The following VWA8 variants were observed in gnomAD, a reference collection of about 807,000 sequenced individuals.
VWA8 encodes the protein von Willebrand factor A domain-containing protein 8.
VWA8 carries 221 observed loss-of-function variants against 241.5 expected under a neutral mutation model. The ratio of observed to expected loss-of-function variants is 0.91; its 90% confidence interval spans 0.82 to 1.02. The LOEUF (loss-of-function observed/expected upper bound fraction) is 1.02, where lower values mean the gene tolerates loss of function less well. Ranked by LOEUF, VWA8 falls within the 50% of genes least tolerant of loss-of-function variation. The pLI is 0.00. For synonymous variants in VWA8, 852 were observed against 827.1 expected (o/e 1.03, Z -0.52); for missense variants, 2,322 against 2,328.7 (o/e 1.00, Z 0.06).
chr13:41,699,273 GA>G lies in VWA8; in HGVS notation c.3365-4del, dbSNP rs746766400. ...ATAGAGAGTATTTTGCTCATTTTCT[GA>G]AATGACAAAAAGGTGTTAATTTTGT... is the stretch of plus-strand genomic sequence containing the variant. On this transcript the variant is annotated splice_polypyrimidine_tract_variant and splice_region_variant and intron_variant, in intron 28 of 44. Coordinates refer to ENST00000379310, the MANE Select transcript of VWA8 (RefSeq NM_015058.2). 4.3e-6 allele frequency: 7 copies of G among 1,613,474 alleles called. No homozygotes were observed. In the Admixed American group the frequency reaches 1.2e-4, roughly 27 times the overall value.
intron 2 of VWA8, chr13:41,926,043 G>C (rs754558361): frequency 1.3e-5 from 6 of 446,098 alleles, no homozygotes; most frequent in Non-Finnish European, 1.7e-5. Context: ...CCTTCAAGGA[G>C]AGGGGGTCAA....
intron 17 of VWA8, among the ~76,000 whole-genome samples, chr13:41,789,984 A>C (rs1213797250): frequency 6.6e-6 from 1 of 152,200 alleles, no homozygotes; most frequent in African/African-American, 2.4e-5. Flanking sequence ...AAAAGGAAAC[A>C]ATATATAAAA....
At chr13:41,677,116 G>A (rs1446687977) in intron 35 of VWA8, among the ~76,000 whole-genome samples, 1 of 152,060 alleles carries the variant, frequency 6.6e-6, no homozygotes, top group Non-Finnish European at 1.5e-5. Context: ...TCAACATTTG[G>A]GGTTATGGCA....
chr13:41,745,881 T>C (rs1038911811), intron 21 of VWA8, among the ~76,000 whole-genome samples: 7 of 152,126 alleles, frequency 4.6e-5, no homozygotes, highest in African/African-American at 1.7e-4. Context: ...GACTAAATTT[T>C]TAAAAAATCC....
chr13:41,944,013 G>C (rs1877722808), intron 2 of VWA8, among the ~76,000 whole-genome samples: 1 of 151,964 alleles, frequency 6.6e-6, no homozygotes, highest in South Asian at 2.1e-4. Flanking sequence ...GCTGAGGTAG[G>C]AGAATCGCTT....
intron 9 of VWA8, among the ~76,000 whole-genome samples, chr13:41,871,826 T>C (rs1223225836): frequency 6.6e-6 from 1 of 152,222 alleles, no homozygotes; most frequent in Non-Finnish European, 1.5e-5. Flanking sequence ...TACCCAGTAA[T>C]GGGATGGCTG....
In VWA8 at chr13:41,961,078, GCA is replaced by G; in HGVS notation, c.-65_-64del. ...GGGGATCGAGCGGCGTCCCGTGCAGGCACCGTGAGGCAGCGCGGAGAAGGGGA... is the reference window on the plus strand; with the variant it reads ...GGGGATCGAGCGGCGTCCCGTGCAGGCCGTGAGGCAGCGCGGAGAAGGGGA... On this transcript the variant is annotated 5_prime_UTR_variant, in exon 1 of 45. Transcript: ENST00000379310. 1 of 1,312,132 alleles carries G rather than the reference GCA, an allele frequency of 7.6e-7. No homozygotes were observed. The highest frequency in any genetic ancestry group is 1.9e-5 in the South Asian group (1 of 53,866). The allele number at this position is 1,312,132 out of a possible 1,614,324, so 81.3% of individuals were successfully genotyped here.
intron 18 of VWA8, among the ~76,000 whole-genome samples, chr13:41,787,030 A>G (rs1004360417): frequency 1.3e-5 from 2 of 151,324 alleles, no homozygotes; most frequent in African/African-American, 2.4e-5. Context: ...AAGTTTCTCC[A>G]ACATATCTTA....
chr13:41,931,932 T>C (rs1456017605), intron 2 of VWA8, among the ~76,000 whole-genome samples: 1 of 151,000 alleles, frequency 6.6e-6, no homozygotes, highest in East Asian at 1.9e-4. Context: ...GAAAATGAGA[T>C]CCAAAGAAAG....
chr13:41,831,420 C>T (rs540382923), intron 13 of VWA8, among the ~76,000 whole-genome samples: 23 of 152,180 alleles, frequency 1.5e-4, no homozygotes, highest in African/African-American at 4.3e-4. Flanking sequence ...TCTTCCATAA[C>T]GTTAAGGCAA....
chr13:41,912,114 T>C lies in VWA8; in HGVS notation c.296A>G (p.Lys99Arg), dbSNP rs1203279926. The C allele has an allele frequency of 1.2e-6, 2 of 1,610,638 alleles. No homozygotes were observed. Among genetic ancestry groups the C allele is most frequent in the South Asian group, 1.1e-5 (1 of 90,556 alleles). The stretch of plus-strand genomic sequence containing the variant: ...AAAAACATCTTGCCCCAAAAGATCC[T>C]TCTGCATTATCCATCTTAGATGCTG... Reference protein sequence around the residue: ...VVQHLRWIMQKDLLGQDVFLI... With the variant: ...VVQHLRWIMQRDLLGQDVFLI... Residue 99 changes from lysine (K) to arginine (R), a missense_variant, in exon 3 of 45, where the codon AAG becomes AGG. Coordinates refer to ENST00000379310, the MANE Select transcript of VWA8 (RefSeq NM_015058.2).
At chr13:41,871,243 T>C (rs1873593210) in intron 9 of VWA8, among the ~76,000 whole-genome samples, 1 of 152,238 alleles carries the variant, frequency 6.6e-6, no homozygotes, top group Non-Finnish European at 1.5e-5. Context: ...TACCACTTTC[T>C]GAGTATTTCC....
intron 29 of VWA8, among the ~76,000 whole-genome samples, chr13:41,696,592 G>A (rs532760624): frequency 6.6e-6 from 1 of 152,282 alleles, no homozygotes; most frequent in African/African-American, 2.4e-5. Flanking sequence ...TGCCAGACAA[G>A]TTACTTGAAG....
At chr13:41,744,872 C>G (rs1048437952) in intron 21 of VWA8, among the ~76,000 whole-genome samples, 2 of 152,066 alleles carry the variant, frequency 1.3e-5, no homozygotes, top group African/African-American at 4.8e-5. Context: ...GAGTCTTGCT[C>G]TGTCACCCAG....
chr13:41,708,128 C>A (rs1027793941), intron 26 of VWA8, among the ~76,000 whole-genome samples: 1 of 151,964 alleles, frequency 6.6e-6, no homozygotes, highest in African/African-American at 2.4e-5. Context: ...GAGGCCGAGG[C>A]GGGCGGATCA....
intron 22 of VWA8, among the ~76,000 whole-genome samples, chr13:41,731,562 T>C (rs565032919): frequency 5.6e-4 from 86 of 152,282 alleles, no homozygotes; most frequent in Admixed American, 1.4e-3. Context: ...ATAATTTGCA[T>C]ATATCCTCTC....
intron 2 of VWA8, chr13:41,926,276 T>A (rs1876829205): frequency 6.2e-6 from 4 of 646,578 alleles, no homozygotes; most frequent in African/African-American, 3.6e-5. Flanking sequence ...CAAGGTATCA[T>A]CAGAAATACT....
intron 4 of VWA8, among the ~76,000 whole-genome samples, chr13:41,904,047 T>C (rs1875584594): frequency 6.6e-6 from 1 of 152,142 alleles, no homozygotes; most frequent in Admixed American, 6.6e-5. Context: ...TGTAAAATGC[T>C]GCCAAGGTAA....
At chr13:41,811,143 A>C in intron 17 of VWA8, 82 bp downstream of exon 17, 1 of 1,189,946 alleles carries the variant, frequency 8.4e-7, no homozygotes, top group Non-Finnish European at 1.2e-6. Context: ...AAGAATTGGG[A>C]ATATGCACCA....
Sources: gnomAD v4.1 joint callset for allele counts (sites outside exome capture counted in the v4.1 genomes callset) on GRCh38, gnomAD v4.1.1 for gene constraint, MANE v1.5 for transcripts, NCBI Gene and HGNC (gene_info 2026-07-23, HGNC 2026-07-21) for gene names.